CACNA2D1: variants seen among roughly 807,000 people sequenced by gnomAD.
The protein encoded by CACNA2D1 is calcium voltage-gated channel auxiliary subunit alpha2delta 1.
A neutral mutation model predicts 171.5 loss-of-function variants in CACNA2D1; 53 were observed. The observed-to-expected ratio is 0.31, with a 90% CI of 0.25 to 0.39. The LOEUF (loss-of-function observed/expected upper bound fraction) is 0.39, where lower values mean the gene tolerates loss of function less well. Among genes scored for constraint, CACNA2D1 ranks in the 10% least tolerant of loss-of-function variants. CACNA2D1 has a pLI of 1.00. For synonymous variants in CACNA2D1, 442 were observed against 443.1 expected, an observed-to-expected ratio of 1.00 and a Z score of 0.03; for missense variants, 903 against 1,299.8, an observed-to-expected ratio of 0.69 and a Z score of 4.69.
chr7:82,051,985 G>C (rs1308900423), intron 10 of CACNA2D1, among the ~76,000 whole-genome samples: 2 of 152,118 alleles, frequency 1.3e-5, no homozygotes, highest in South Asian at 2.1e-4. Context: ...CGTTAGTTCT[G>C]ACATCTTATA....
At chr7:82,427,669 C>T (rs1341335402) in intron 1 of CACNA2D1, among the ~76,000 whole-genome samples, 3 of 152,164 alleles carry the variant, frequency 2.0e-5, no homozygotes, top group South Asian at 2.1e-4. Context: ...GTTCAAGTTA[C>T]CCAGCTAGTT....
intron 1 of CACNA2D1, among the ~76,000 whole-genome samples, chr7:82,355,258 G>C (rs1484099111): frequency 6.6e-6 from 1 of 151,982 alleles, no homozygotes. Flanking sequence ...ACAATCTTTG[G>C]CCAGCTCAAG....
chr7:82,260,547 T>C (rs1050435462), intron 3 of CACNA2D1, among the ~76,000 whole-genome samples: 2 of 152,214 alleles, frequency 1.3e-5, no homozygotes, highest in African/African-American at 4.8e-5. Context: ...TTTAAAGACA[T>C]CAGCCTCTCT....
chr7:82,107,363 C>A (rs78489742), intron 6 of CACNA2D1, among the ~76,000 whole-genome samples: 12,334 of 152,022 alleles, frequency 0.081, 582 homozygotes, highest in South Asian at 0.16. Flanking sequence ...CTACAAGGCC[C>A]GCCATCTACC....
chr7:82,157,579 A>G (rs1794495174), intron 4 of CACNA2D1, among the ~76,000 whole-genome samples: 1 of 152,036 alleles, frequency 6.6e-6, no homozygotes. Flanking sequence ...AACATCTATG[A>G]TACTAAAATA....
intron 10 of CACNA2D1, among the ~76,000 whole-genome samples, chr7:82,040,855 A>G (rs1344716636): frequency 6.6e-6 from 1 of 152,080 alleles, no homozygotes; most frequent in African/African-American, 2.4e-5. Context: ...CATGCTTGTA[A>G]TGCCAGCTAC....
intron 24 of CACNA2D1, among the ~76,000 whole-genome samples, chr7:81,976,679 C>T (rs1044954000): frequency 1.3e-5 from 2 of 152,132 alleles, no homozygotes; most frequent in African/African-American, 4.8e-5. Flanking sequence ...ATAGTGAAAC[C>T]TCGTCTCTAC....
At chr7:82,060,101 C>A (rs572082167) in intron 10 of CACNA2D1, among the ~76,000 whole-genome samples, 121 of 99,650 alleles carry the variant, frequency 1.2e-3, no homozygotes, top group Non-Finnish European at 2.0e-3. Flanking sequence ...AAATATGTAA[C>A]AAACCTGCAC....
chr7:82,226,866 C>A (rs1802418611), intron 3 of CACNA2D1, among the ~76,000 whole-genome samples: 1 of 152,122 alleles, frequency 6.6e-6, no homozygotes, highest in African/African-American at 2.4e-5. Flanking sequence ...TCAGGTGAAT[C>A]AGGCACTGTG....
At chr7:82,011,949 A>C in intron 15 of CACNA2D1, 1 of 549,808 alleles carries the variant, frequency 1.8e-6, no homozygotes. Flanking sequence ...ACAATAAGCT[A>C]ACACTTTGCA....
chr7:82,094,025 A>C (rs1219886553), intron 6 of CACNA2D1, among the ~76,000 whole-genome samples: 2 of 152,216 alleles, frequency 1.3e-5, no homozygotes, highest in Non-Finnish European at 2.9e-5. Flanking sequence ...TGGTTGAAGA[A>C]GGATAACAAG....
At chr7:82,410,531 A>G in intron 1 of CACNA2D1, 3 of 985,360 alleles carry the variant, frequency 3.0e-6, no homozygotes, top group Non-Finnish European at 3.6e-6. Flanking sequence ...CTGAAGGTGC[A>G]CGCTACATCA....
chr7:82,367,558 A>G (rs917259484), intron 1 of CACNA2D1, among the ~76,000 whole-genome samples: 3 of 152,090 alleles, frequency 2.0e-5, no homozygotes, highest in African/African-American at 4.8e-5. Context: ...ATATTTGTCT[A>G]TTTACTTGTT....
intron 1 of CACNA2D1, among the ~76,000 whole-genome samples, chr7:82,381,033 C>G (rs1334564375): frequency 6.6e-6 from 1 of 151,882 alleles, no homozygotes; most frequent in Non-Finnish European, 1.5e-5. Context: ...TCCTTGACGG[C>G]CGGGTGTGGT....
At chr7:81,974,372 T>C (rs758070245) in intron 25 of CACNA2D1, 83 bp downstream of exon 25, 1 of 717,446 alleles carries the variant, frequency 1.4e-6, no homozygotes, top group East Asian at 2.7e-5. Flanking sequence ...CAATATAAAG[T>C]AATATGATTA....
chr7:82,428,512 G>GAA (rs1229057924), intron 1 of CACNA2D1, among the ~76,000 whole-genome samples: 1 of 152,144 alleles, frequency 6.6e-6, no homozygotes, highest in Non-Finnish European at 1.5e-5. Flanking sequence ...AAGCATAAGA[G>GAA]AAAACAGTAG....
At chr7:82,313,994 A>C (rs562957286) in intron 3 of CACNA2D1, among the ~76,000 whole-genome samples, 1 of 152,308 alleles carries the variant, frequency 6.6e-6, no homozygotes, top group Non-Finnish European at 1.5e-5. Flanking sequence ...CTACTGTAGT[A>C]AACATTCTTT....
chr7:82,435,029 AC>A (rs1830003318), intron 1 of CACNA2D1, among the ~76,000 whole-genome samples: 1 of 113,824 alleles, frequency 8.8e-6, no homozygotes, highest in Admixed American at 9.4e-5. Context: ...CTCTTCAGAT[AC>A]TTTTTTTTTT....
intron 1 of CACNA2D1, among the ~76,000 whole-genome samples, chr7:82,401,095 T>C (rs1235890891): frequency 1.3e-5 from 2 of 152,042 alleles, no homozygotes; most frequent in Non-Finnish European, 2.9e-5. Context: ...GTAACACTTT[T>C]ACACTGTTGG....
Sources: gnomAD v4.1 joint callset for allele counts (sites outside exome capture counted in the v4.1 genomes callset) on GRCh38, gnomAD v4.1.1 for gene constraint, MANE v1.5 for transcripts, NCBI Gene and HGNC (gene_info 2026-07-23, HGNC 2026-07-21) for gene names.